The following VLDLR variants were observed in gnomAD, a reference collection of about 807,000 sequenced individuals.
VLDLR encodes very low-density lipoprotein receptor.
A neutral mutation model predicts 112.7 loss-of-function variants in VLDLR; 81 were observed. The observed-to-expected ratio is 0.72, with a 90% CI of 0.60 to 0.86. The LOEUF is 0.86. Among genes scored for constraint, VLDLR ranks in the 40% least tolerant of loss-of-function variants. The probability of loss-of-function intolerance (pLI) is 0.00; values close to 1 mark genes in which losing one functional copy is unlikely to be tolerated. For missense variants in VLDLR, 1,237 were observed against 1,099.4 expected (o/e 1.13, Z -1.77); for synonymous variants, 436 against 384.8 (o/e 1.13, Z -1.56).
chr9:2,634,047 G>T (rs887275024), intron 1 of VLDLR, among the ~76,000 whole-genome samples: 1 of 152,110 alleles, frequency 6.6e-6, no homozygotes, highest in Non-Finnish European at 1.5e-5. Context: ...TTTGTAGCTG[G>T]GTCCTAGCTT....
intron 2 of VLDLR, among the ~76,000 whole-genome samples, chr9:2,636,813 C>G (rs1817614975): frequency 6.6e-6 from 1 of 152,218 alleles, no homozygotes; most frequent in Admixed American, 6.5e-5. Flanking sequence ...TCACTCTTGT[C>G]AACTATTTTC....
At position 2,643,407 on chromosome 9, in the gene VLDLR, G is replaced by A. The variant is rs928894534; in HGVS notation, c.696G>A (p.Gln232=). The A allele has an allele frequency of 2.5e-6, 4 of 1,614,186 alleles. No individual in the cohort carries two copies. Among genetic ancestry groups the A allele is most frequent in the Non-Finnish European group, 3.4e-6 (4 of 1,180,034 alleles). ...AGTCCCTGGAGCAGTGTGGCCGTCA[G>A]CCAGTCATACACACCAAGTGTCCAG... The part of the protein sequence containing the change: ...SDESLEQCGR[Q]PVIHTKCPAS... Residue 232 remains glutamine (Q), a synonymous_variant, in exon 5 of 19, where the codon CAG becomes CAA. Coordinates refer to ENST00000382100, the MANE Select transcript of VLDLR (RefSeq NM_003383.5).
chr9:2,631,553 A>G (rs1045157566), intron 1 of VLDLR, among the ~76,000 whole-genome samples: 7 of 152,226 alleles, frequency 4.6e-5, no homozygotes, highest in Admixed American at 2.6e-4. Context: ...TAAGGGAAAT[A>G]AGCCAGGCAC....
At position 2,643,432 on chromosome 9, in the gene VLDLR, G is replaced by T; in HGVS notation, c.721G>T (p.Ala241Ser). 1.2e-6 allele frequency: 2 copies of T among 1,614,202 alleles called. No homozygotes were observed. Among genetic ancestry groups the T allele is most frequent in the Non-Finnish European group, 1.7e-6 (2 of 1,180,038 alleles). The change falls in exon 5 of 19, where the codon GCC (alanine) becomes TCC (serine). Residue 241 changes from alanine to serine, a missense_variant. By Grantham distance (99) the Ala-to-Ser change is moderately conservative. Coordinates refer to ENST00000382100, the MANE Select transcript of VLDLR (RefSeq NM_003383.5). The stretch of plus-strand genomic sequence containing the variant: ...GCCAGTCATACACACCAAGTGTCCA[G>T]CCAGCGAAATCCAGTGCGGCTCTGG... The part of the protein sequence containing the change: ...RQPVIHTKCP[A>S]SEIQCGSGEC...
chr9:2,636,566 A>G (rs1292254378), intron 2 of VLDLR, among the ~76,000 whole-genome samples: 1 of 152,184 alleles, frequency 6.6e-6, no homozygotes, highest in East Asian at 1.9e-4. Flanking sequence ...TTTCATGCCA[A>G]TGTGTAAAGC....
At chr9:2,650,283 G>A in intron 14 of VLDLR, 87 bp from the exon 15 acceptor site, 1 of 1,560,922 alleles carries the variant, frequency 6.4e-7, no homozygotes, top group South Asian at 1.1e-5. Context: ...TGGGGGCAAG[G>A]ACTCAGGTCT....
intron 7 of VLDLR, 74 bp downstream of exon 7, chr9:2,644,033 C>A: frequency 6.2e-7 from 1 of 1,605,636 alleles, no homozygotes; most frequent in Non-Finnish European, 8.5e-7. Context: ...CTGTGTGGAC[C>A]CCCCGTGATG....
At chr9:2,623,565 C>T (rs1283016962) in intron 1 of VLDLR, among the ~76,000 whole-genome samples, 1 of 152,236 alleles carries the variant, frequency 6.6e-6, no homozygotes, top group Admixed American at 6.5e-5. Flanking sequence ...GTTTTTACGT[C>T]TCCGAATGCC....
chr9:2,647,317 T>C (rs1586655195), intron 11 of VLDLR, among the ~76,000 whole-genome samples, 157 bp from the exon 12 acceptor site: 2 of 152,364 alleles, frequency 1.3e-5, no homozygotes, highest in Middle Eastern at 6.8e-3. Flanking sequence ...TATTCAATTT[T>C]ATTTACCTAG....
chr9:2,625,322 G>A (rs1027206924), intron 1 of VLDLR, among the ~76,000 whole-genome samples: 9 of 152,140 alleles, frequency 5.9e-5, no homozygotes, highest in Non-Finnish European at 1.3e-4. Flanking sequence ...GTGTGGCTTC[G>A]GGTTTTGATC....
At chr9:2,650,252 G>A in intron 14 of VLDLR, 118 bp from the exon 15 acceptor site, 1 of 1,232,026 alleles carries the variant, frequency 8.1e-7, no homozygotes, top group Non-Finnish European at 1.2e-6. Flanking sequence ...AGGATTAGCA[G>A]AGTAGACAAG....
In VLDLR at chr9:2,645,005, A is replaced by G. The variant is rs1482552109; in HGVS notation, c.1235A>G (p.Asn412Ser). 6.2e-7 allele frequency: 1 copy of G among 1,614,202 alleles called. No individual in the cohort carries two copies. Among genetic ancestry groups the G allele is most frequent in the African/African-American group, 1.3e-5 (1 of 75,042 alleles). ...GGAATCTGCAGTCAAATTTGTATCA[A>G]CTTAAAAGGCGGTTACAAGTGTGAA... ...NPGICSQICI[N>S]LKGGYKCECS... The change falls in exon 9 of 19, where the codon AAC becomes AGC. Residue 412 changes from asparagine to serine, a missense_variant. Coordinates refer to ENST00000382100, the MANE Select transcript of VLDLR (RefSeq NM_003383.5).
chr9:2,645,690 G>T lies in VLDLR; in HGVS notation c.1429G>T (p.Asp477Tyr). ...AAGAAACACTGTGGCTCTCGATGCT[G>T]ACATTGCTGCCCAGAAACTATTCTG... The part of the protein sequence containing the change: ...QLRNTVALDA[D>Y]IAAQKLFWAD... Residue 477 changes from aspartate to tyrosine, a missense_variant, in exon 10 of 19, where the codon GAC (aspartate) becomes TAC (tyrosine). By Grantham distance (160) the Asp-to-Tyr change is radical. Transcript: ENST00000382100. 6.2e-7 allele frequency: 1 copy of T among 1,614,200 alleles called. No individual in the cohort carries two copies. Among genetic ancestry groups the T allele is most frequent in the Non-Finnish European group, 8.5e-7 (1 of 1,180,034 alleles).
chr9:2,648,085 C>A (rs1478400000), intron 12 of VLDLR, 123 bp from the exon 13 acceptor site: 2 of 1,352,626 alleles, frequency 1.5e-6, no homozygotes, highest in Non-Finnish European at 2.1e-6. Flanking sequence ...TTTATGGTGA[C>A]CCCGTTAAGA....
Position 2,657,865 on chromosome 9 carries a change from A to G in VLDLR, c.*3997A>G, listed in dbSNP as rs539841381. ...AGGGGCTTATAATGACTTCTCTTCT[A>G]GAATTGTAATACTAAAAAACTACTC... On this transcript the variant is annotated 3_prime_UTR_variant, in exon 19 of 19. Transcript: ENST00000382100. 4 of 152,234 alleles carry G rather than the reference A, an allele frequency of 2.6e-5. No individual in the cohort carries two copies. Among genetic ancestry groups the G allele is most frequent in the African/African-American group, 9.6e-5 (4 of 41,452 alleles). 9.4% of individuals were successfully genotyped at this position (152,234 alleles called of 1,614,324 possible).
At chr9:2,632,361 C>T (rs983623244) in intron 1 of VLDLR, among the ~76,000 whole-genome samples, 28 of 152,224 alleles carry the variant, frequency 1.8e-4, no homozygotes, top group African/African-American at 6.3e-4. Context: ...TGCATTTTGC[C>T]CCATCTTCTC....
At position 2,633,988 on chromosome 9, in the gene VLDLR, C is replaced by CAT. The variant is rs141787713; in HGVS notation, c.83-1465_83-1464insAT. 6.5e-3 allele frequency among the ~76,000 whole-genome samples: 988 copies of CAT among 152,140 alleles called. 7 individuals carry two copies. The highest frequency in any genetic ancestry group is 0.021 in the African/African-American group (889 of 41,492). On this transcript the variant is annotated intron_variant, in intron 1 of 18. Coordinates refer to ENST00000382100, the MANE Select transcript of VLDLR (RefSeq NM_003383.5). ...CCCTAGTATATTACAACCAATAAAA[C>CAT]GTGAAGAATGAAAAAGTATTATGAA... is the stretch of plus-strand genomic sequence containing the variant.
At chr9:2,650,651 C>T (rs1018789475) in intron 15 of VLDLR, 135 bp downstream of exon 15, 53 of 1,276,670 alleles carry the variant, frequency 4.2e-5, no homozygotes, top group African/African-American at 4.1e-4. Flanking sequence ...TATTGTATGC[C>T]GGGTTATCAT....
chr9:2,635,669 A>C, intron 2 of VLDLR, 97 bp downstream of exon 2: 1 of 1,576,562 alleles, frequency 6.3e-7, no homozygotes, highest in South Asian at 1.1e-5. Flanking sequence ...ATCCACTTCT[A>C]ACAATTGCTT....
Sources: gnomAD v4.1 joint callset for allele counts (sites outside exome capture counted in the v4.1 genomes callset) on GRCh38, gnomAD v4.1.1 for gene constraint, MANE v1.5 for transcripts, NCBI Gene and HGNC (gene_info 2026-07-23, HGNC 2026-07-21) for gene names.